Variants in C5AR2 observed in about 807,000 individuals in gnomAD.
C5AR2 encodes the protein C5a anaphylatoxin chemotactic receptor 2.
For missense variants in C5AR2, 458 were observed against 467.5 expected, an observed-to-expected ratio of 0.98 and a Z score of 0.19; for synonymous variants, 224 against 216.5, an observed-to-expected ratio of 1.03 and a Z score of -0.30.
Position 47,343,072 on chromosome 19 carries a change from G to A in C5AR2, c.*1259G>A, listed in dbSNP as rs1019449556. The A allele has an allele frequency of 1.3e-5, 2 of 152,166 alleles. No individual in the cohort carries two copies. The highest frequency in any genetic ancestry group is 1.5e-5 in the Non-Finnish European group (1 of 68,036). The allele number at this position is 152,166 out of a possible 1,614,324, so 9.4% of individuals were successfully genotyped here. On this transcript the variant is annotated 3_prime_UTR_variant, in exon 2 of 2. Transcript: ENST00000595464. ...AAGTAAAGGATCTTGAGAAGGGGTG[G>A]TTATCCTGGATTGTCTGGGTGGGCT... is the stretch of plus-strand genomic sequence containing the variant.
chr19:47,332,924 C>G (rs1485450484), intron 1 of C5AR2, among the ~76,000 whole-genome samples: 1 of 152,140 alleles, frequency 6.6e-6, no homozygotes, highest in East Asian at 1.9e-4. Context: ...CTGCAGCTTT[C>G]GGCAGATCCA....
chr19:47,341,320 G>A lies in C5AR2; in HGVS notation c.521G>A (p.Arg174Gln), dbSNP rs370448657. 7.5e-5 allele frequency: 120 copies of A among 1,610,690 alleles called. No individual in the cohort carries two copies. Among genetic ancestry groups the A allele is most frequent in the Non-Finnish European group, 9.6e-5 (113 of 1,179,866 alleles). The change falls in exon 2 of 2, where the codon CGG becomes CAG. Residue 174 changes from arginine (R) to glutamine (Q), a missense_variant. Coordinates refer to ENST00000595464, the MANE Select transcript of C5AR2 (RefSeq NM_001271749.2). This position sits in a 1 kb window ranked among gnomAD's most constrained non-coding sequence, Gnocchi z 4.6. ...ACCGTGCCCTCCGCCATCTACCGCC[G>A]GCTGCACCAGGAGCACTTCCCAGCC... ...LLTVPSAIYR[R>Q]LHQEHFPARL...
intron 1 of C5AR2, among the ~76,000 whole-genome samples, chr19:47,334,790 C>T (rs951014249): frequency 7.2e-5 from 11 of 152,034 alleles, no homozygotes; most frequent in Non-Finnish European, 1.5e-4. Context: ...GCGATCTTGG[C>T]TCACTGCAGC....
At position 47,342,322 on chromosome 19, in the gene C5AR2, C is replaced by T. The variant is rs1346671895; in HGVS notation, c.*509C>T. On this transcript the variant is annotated 3_prime_UTR_variant, in exon 2 of 2. Transcript: ENST00000595464. ...AGTGAGCCAAGATTGAGCCCCTGCA[C>T]TCCAGCCTGGGCGACAGAGCGAGAC... is the stretch of plus-strand genomic sequence containing the variant. 6.6e-6 allele frequency: 1 copy of T among 151,494 alleles called. No homozygotes were observed. The highest frequency in any genetic ancestry group is 2.4e-5 in the African/African-American group (1 of 41,230). The allele number at this position is 151,494 out of a possible 1,614,324, so 9.4% of individuals were successfully genotyped here.
At position 47,332,323 on chromosome 19, in the gene C5AR2, C is replaced by CA. The variant is rs1288221277; in HGVS notation, c.-41dup. 1 of 152,128 alleles carries CA rather than the reference C, an allele frequency of 6.6e-6. No individual in the cohort carries two copies. Among genetic ancestry groups the CA allele is most frequent in the Non-Finnish European group, 1.5e-5 (1 of 68,068 alleles). The allele number at this position is 152,128 out of a possible 1,614,324, so 9.4% of individuals were successfully genotyped here. A position where few individuals can be genotyped will look rare whatever the true frequency, so the allele number is the denominator to read the frequency against. ...TTGGGCTCCCAAGTGGCGTTTGACTCACGTGGGGACACTCTTGGAAGAGAC... is the reference window on the plus strand; with the variant it reads ...TTGGGCTCCCAAGTGGCGTTTGACTCAACGTGGGGACACTCTTGGAAGAGAC... On this transcript the variant is annotated 5_prime_UTR_variant, in exon 1 of 2. Transcript: ENST00000595464.
At chr19:47,335,101 G>T (rs1185583781) in intron 1 of C5AR2, among the ~76,000 whole-genome samples, 2 of 150,348 alleles carry the variant, frequency 1.3e-5, no homozygotes, top group Non-Finnish European at 2.9e-5. Flanking sequence ...TATCATGTTG[G>T]CCAGGCTGGT....
chr19:47,338,333 C>T (rs957019685), intron 1 of C5AR2, among the ~76,000 whole-genome samples: 9 of 148,672 alleles, frequency 6.1e-5, no homozygotes, highest in African/African-American at 1.2e-4. Flanking sequence ...TGTAGTCCCA[C>T]GTACTCAGGA....
intron 1 of C5AR2, among the ~76,000 whole-genome samples, chr19:47,338,971 T>C (rs1056395245): frequency 6.6e-6 from 1 of 151,910 alleles, no homozygotes; most frequent in African/African-American, 2.4e-5. Context: ...CTGGCTAACA[T>C]GGTGAAACCC....
Position 47,335,307 on chromosome 19 carries a change from T to A in C5AR2, c.-16+2958T>A, listed in dbSNP as rs544254985. On this transcript the variant is annotated intron_variant, in intron 1 of 1. Coordinates refer to ENST00000595464, the MANE Select transcript of C5AR2 (RefSeq NM_001271749.2). ...GCTTTGAGGACGAATGGGGTTGATA[T>A]CTGTACAGATAGACAGGAAAACAGA... Among the ~76,000 whole-genome samples, 13 of 152,140 alleles carry A rather than the reference T, an allele frequency of 8.5e-5. 2 individuals carry two copies. In the South Asian group the frequency reaches 2.7e-3, roughly 32 times the overall value.
rs375745726 is a variant in C5AR2 at position 47,341,589 on chromosome 19, G to A, written c.790G>A (p.Ala264Thr). ...GCTCACTGTGGCGGCCCCGAACTCC[G>A]CACTCCTGGCCAGGGCCCTGCGGGC... Reference protein sequence around the residue: ...LVLTVAAPNSALLARALRAEP... With the variant: ...LVLTVAAPNSTLLARALRAEP... Residue 264 changes from alanine to threonine, a missense_variant, in exon 2 of 2, where the codon GCA becomes ACA. Coordinates refer to ENST00000595464, the MANE Select transcript of C5AR2 (RefSeq NM_001271749.2). The surrounding 1 kb of genome is among the most constrained non-coding windows in gnomAD (Gnocchi z 4.6). The A allele has an allele frequency of 4.5e-5, 73 of 1,613,632 alleles. No individual in the cohort carries two copies. The highest frequency in any genetic ancestry group is 8.3e-5 in the Admixed American group (5 of 60,002).
intron 1 of C5AR2, among the ~76,000 whole-genome samples, chr19:47,336,248 C>T (rs955448672): frequency 1.3e-5 from 2 of 151,940 alleles, no homozygotes; most frequent in African/African-American, 2.4e-5. Context: ...CACAACCATG[C>T]CTGGCTGATT....
At position 47,341,231 on chromosome 19, in the gene C5AR2, G is replaced by A. The variant is rs779598378; in HGVS notation, c.432G>A (p.Thr144=). The change falls in exon 2 of 2, where the codon ACG becomes ACA. Residue 144 remains threonine (T), a synonymous_variant. Transcript: ENST00000595464. The surrounding 1 kb of genome is among the most constrained non-coding windows in gnomAD (Gnocchi z 4.6). ...FLALGPAWWS[T]VQRACGVQVA... ...CTCTCGGGCCTGCCTGGTGGTCTACGGTTCAGCGGGCGTGCGGGGTGCAGG... is the reference window on the plus strand; with the variant it reads ...CTCTCGGGCCTGCCTGGTGGTCTACAGTTCAGCGGGCGTGCGGGGTGCAGG... 2.7e-5 allele frequency: 43 copies of A among 1,601,766 alleles called. No homozygotes were observed. The highest frequency in any genetic ancestry group is 3.3e-4 in the Middle Eastern group (2 of 6,082).
rs1178707771 is a variant in C5AR2 at position 47,343,457 on chromosome 19, C to A, written c.*1644C>A. The A allele has an allele frequency of 6.6e-6, 1 of 152,182 alleles. No homozygotes were observed. Among genetic ancestry groups the A allele is most frequent in the African/African-American group, 2.4e-5 (1 of 41,438 alleles). 9.4% of individuals were successfully genotyped at this position (152,182 alleles called of 1,614,324 possible). On this transcript the variant is annotated 3_prime_UTR_variant, in exon 2 of 2. Transcript: ENST00000595464. ...AAGCTGTGCCACTGGCTGGAATGTC[C>A]TTCTGATCTATGTTGTGCAGTTCAA... is the stretch of plus-strand genomic sequence containing the variant.
Position 47,341,853 on chromosome 19 carries a change from T to G in C5AR2, c.*40T>G. 3.2e-6 allele frequency: 5 copies of G among 1,574,290 alleles called. No homozygotes were observed. The highest frequency in any genetic ancestry group is 4.4e-6 in the Non-Finnish European group (5 of 1,148,736). ...GTGGGTGTGTATCTTCTTATCTCATTTCACAAGACTGGCTTCAGGCATAGC... is the reference window on the plus strand; with the variant it reads ...GTGGGTGTGTATCTTCTTATCTCATGTCACAAGACTGGCTTCAGGCATAGC... On this transcript the variant is annotated 3_prime_UTR_variant, in exon 2 of 2. Transcript: ENST00000595464. The surrounding 1 kb of genome is among the most constrained non-coding windows in gnomAD (Gnocchi z 4.6).
rs950319208 is a variant in C5AR2 at position 47,341,608 on chromosome 19, T to C, written c.809T>C (p.Leu270Pro). The change falls in exon 2 of 2, where the codon CTG becomes CCG. Residue 270 changes from leucine to proline, a missense_variant. Leu to Pro is a moderately conservative substitution (Grantham distance 98). Coordinates refer to ENST00000595464, the MANE Select transcript of C5AR2 (RefSeq NM_001271749.2). This position sits in a 1 kb window ranked among gnomAD's most constrained non-coding sequence, Gnocchi z 4.6. ...APNSALLARA[L>P]RAEPLIVGLA... Reference sequence around the variant, plus strand: ...AACTCCGCACTCCTGGCCAGGGCCCTGCGGGCTGAACCCCTCATCGTGGGC... The same window carrying C: ...AACTCCGCACTCCTGGCCAGGGCCCCGCGGGCTGAACCCCTCATCGTGGGC... 2.5e-6 allele frequency: 4 copies of C among 1,613,824 alleles called. No homozygotes were observed. In the African/African-American group the frequency reaches 5.3e-5, roughly 22 times the overall value.
intron 1 of C5AR2, among the ~76,000 whole-genome samples, chr19:47,337,498 C>G (rs1209046296): frequency 6.6e-6 from 1 of 151,964 alleles, no homozygotes; most frequent in African/African-American, 2.4e-5. Context: ...CCCGTATCTA[C>G]TAAAAATACA....
rs772079314 is a variant in C5AR2, at chr19:47,347,254, T to C, written c.*5441T>C. 2.0e-5 allele frequency: 3 copies of C among 152,158 alleles called. No homozygotes were observed. Among genetic ancestry groups the C allele is most frequent in the Non-Finnish European group, 4.4e-5 (3 of 68,038 alleles). 9.4% of individuals were successfully genotyped at this position (152,158 alleles called of 1,614,324 possible). A position where few individuals can be genotyped will look rare whatever the true frequency, so the allele number is the denominator to read the frequency against. On this transcript the variant is annotated 3_prime_UTR_variant, in exon 2 of 2. Transcript: ENST00000595464. ...TCCTATGGTTGATAGACTGTGGCTT[T>C]CTTGTTGATTTCCATTTGTTGTTCA...
At position 47,343,785 on chromosome 19, in the gene C5AR2, C is replaced by T. The variant is rs769756262; in HGVS notation, c.*1972C>T. ...CCCGGGAAGTGGAGTTTGCAGTGAG[C>T]TTAGATCACACCGCTGCACTCCAGC... is the stretch of plus-strand genomic sequence containing the variant. On this transcript the variant is annotated 3_prime_UTR_variant, in exon 2 of 2. Transcript: ENST00000595464. 1 of 151,762 alleles carries T rather than the reference C, an allele frequency of 6.6e-6. No homozygotes were observed. Among genetic ancestry groups the T allele is most frequent in the Non-Finnish European group, 1.5e-5 (1 of 67,986 alleles). 9.4% of individuals were successfully genotyped at this position (151,762 alleles called of 1,614,324 possible). A position where few individuals can be genotyped will look rare whatever the true frequency, so the allele number is the denominator to read the frequency against.
Position 47,341,226 on chromosome 19 carries a change from T to C in C5AR2, c.427T>C (p.Ser143Pro). 1 of 1,601,738 alleles carries C rather than the reference T, an allele frequency of 6.2e-7. No homozygotes were observed. Among genetic ancestry groups the C allele is most frequent in the Non-Finnish European group, 8.5e-7 (1 of 1,179,876 alleles). ...CFLALGPAWW[S>P]TVQRACGVQV... Reference sequence around the variant, plus strand: ...CCTGGCTCTCGGGCCTGCCTGGTGGTCTACGGTTCAGCGGGCGTGCGGGGT... The same window carrying C: ...CCTGGCTCTCGGGCCTGCCTGGTGGCCTACGGTTCAGCGGGCGTGCGGGGT... Residue 143 changes from serine (S) to proline (P), a missense_variant, in exon 2 of 2, where the codon TCT becomes CCT. Transcript: ENST00000595464. The surrounding 1 kb of genome is among the most constrained non-coding windows in gnomAD (Gnocchi z 4.6).
Sources: allele counts gnomAD v4.1 joint callset (sites outside exome capture counted in the v4.1 genomes callset), GRCh38; gene constraint gnomAD v4.1.1; non-coding constraint Gnocchi (gnomAD v3.1); transcripts MANE v1.5; gene names NCBI Gene and HGNC (gene_info 2026-07-23, HGNC 2026-07-21).